CA5A: variants seen among roughly 807,000 people sequenced by gnomAD.
CA5A encodes the protein carbonic anhydrase 5A, mitochondrial.
In CA5A, 28 loss-of-function variants were observed where a neutral mutation model predicts 37.1. The observed-to-expected ratio is 0.75, with a 90% CI of 0.56 to 1.03. The LOEUF (loss-of-function observed/expected upper bound fraction) is 1.03, where lower values mean the gene tolerates loss of function less well. Among genes scored for constraint, CA5A ranks in the 50% least tolerant of loss-of-function variants. The pLI is 0.00. For missense variants in CA5A, 444 were observed against 399.9 expected (o/e 1.11, Z -0.94); for synonymous variants, 171 against 158.4 (o/e 1.08, Z -0.60).
intron 6 of CA5A, 92 bp from the exon 7 acceptor site, chr16:87,888,364 T>C: frequency 8.7e-7 from 1 of 1,152,080 alleles, no homozygotes; most frequent in Non-Finnish European, 1.2e-6. Context: ...TCCCCTCCCA[T>C]GCTGAATCAG....
intron 5 of CA5A, among the ~76,000 whole-genome samples, chr16:87,896,101 AC>A (rs1180611935): frequency 6.6e-6 from 1 of 152,242 alleles, no homozygotes; most frequent in Non-Finnish European, 1.5e-5. Context: ...AATCTTCAGA[AC>A]AACCCTTTGA....
At chr16:87,892,126 T>A (rs865815161) in intron 5 of CA5A, 172 bp from the exon 6 acceptor site, 5 of 539,058 alleles carry the variant, frequency 9.3e-6, no homozygotes, top group Middle Eastern at 4.8e-4. Context: ...AATGTGACCC[T>A]TCTATACAGA....
chr16:87,910,875 G>A (rs1017528541), intron 2 of CA5A, among the ~76,000 whole-genome samples: 6 of 151,956 alleles, frequency 3.9e-5, no homozygotes, highest in Admixed American at 1.3e-4. Flanking sequence ...TGTGCTTCCC[G>A]AGTAGCTGGG....
chr16:87,926,932 C>G lies in CA5A; in HGVS notation c.156G>C (p.Trp52Cys). 1 of 1,581,250 alleles carries G rather than the reference C, an allele frequency of 6.3e-7. No individual in the cohort carries two copies. Among genetic ancestry groups the G allele is most frequent in the South Asian group, 1.1e-5 (1 of 87,702 alleles). ...QTSNNTLHPLWTVPVSVPGGT... is the reference protein window; with the variant it reads ...QTSNNTLHPLCTVPVSVPGGT... ...CCCCTGGCACGGAGACCGGGACCGT[C>G]CAGAGTGGGTGCACTGCAGGGAGAG... The change falls in exon 2 of 7, where the codon TGG (tryptophan) becomes TGC (cysteine). Residue 52 changes from tryptophan to cysteine, a missense_variant. Coordinates refer to ENST00000649794, the MANE Select transcript of CA5A (RefSeq NM_001739.2).
rs1468664544 is a variant in CA5A, at chr16:87,890,640, G to A, written c.774+1159C>T. ...TTTTTTATTTTATTTTTTTGAGGCA[G>A]AGTGTCACTCTGTCACCCAGGTTGG... is the stretch of plus-strand genomic sequence containing the variant. On this transcript the variant is annotated intron_variant, in intron 6 of 6. Coordinates refer to ENST00000649794, the MANE Select transcript of CA5A (RefSeq NM_001739.2). Among the ~76,000 whole-genome samples, 3 of 152,074 alleles carry A rather than the reference G, an allele frequency of 2.0e-5. No individual in the cohort carries two copies. In the East Asian group the frequency reaches 5.8e-4, roughly 29 times the overall value.
chr16:87,892,904 C>T (rs560748353), intron 5 of CA5A: 105 of 507,218 alleles, frequency 2.1e-4, no homozygotes, highest in Non-Finnish European at 3.0e-4. Flanking sequence ...GATCCACCCG[C>T]CTTGGCCTCC....
At position 87,914,013 on chromosome 16, in the gene CA5A, A is replaced by T. The variant is rs2056092779; in HGVS notation, c.341-9109T>A. On this transcript the variant is annotated intron_variant, in intron 2 of 6. Coordinates refer to ENST00000649794, the MANE Select transcript of CA5A (RefSeq NM_001739.2). ...GTGCTTGACGTCGCTTATTTCCCCG[A>T]TGACCTTTTCCCGGACTTCCTAGCT... is the stretch of plus-strand genomic sequence containing the variant. Among the ~76,000 whole-genome samples the T allele has an allele frequency of 3.3e-5, 5 of 152,168 alleles. No individual in the cohort carries two copies. The South Asian group carries it at 1.0e-3, about 32-fold the overall frequency.
At chr16:87,918,975 C>CAAAG (rs2056193399) in intron 2 of CA5A, among the ~76,000 whole-genome samples, 2 of 151,912 alleles carry the variant, frequency 1.3e-5, no homozygotes, top group Non-Finnish European at 2.9e-5. Context: ...GAGAAAATGA[C>CAAAG]AAAGTGAAAC....
chr16:87,921,675 T>C (rs1467778121), intron 2 of CA5A, among the ~76,000 whole-genome samples: 1 of 152,038 alleles, frequency 6.6e-6, no homozygotes, highest in Non-Finnish European at 1.5e-5. Context: ...AACAGGAATG[T>C]TGGACCCAGG....
intron 2 of CA5A, among the ~76,000 whole-genome samples, chr16:87,917,617 ACACACAAACACACATGTGCG>A (rs930578031): frequency 2.7e-5 from 4 of 146,316 alleles, no homozygotes; most frequent in Non-Finnish European, 5.9e-5. Flanking sequence ...ACACATGTGC[ACACACAAACACACATGTGCG>A]CACACACATG....
At chr16:87,902,112 G>T in intron 4 of CA5A, 138 bp from the exon 5 acceptor site, 1 of 768,486 alleles carries the variant, frequency 1.3e-6, no homozygotes. Context: ...CTAGCACTGT[G>T]GGAGGCCGAG....
At chr16:87,912,819 C>G (rs1005339493) in intron 2 of CA5A, among the ~76,000 whole-genome samples, 1 of 152,126 alleles carries the variant, frequency 6.6e-6, no homozygotes, top group African/African-American at 2.4e-5. Context: ...CAGAAAGGGA[C>G]GACCAGCGGA....
intron 2 of CA5A, among the ~76,000 whole-genome samples, chr16:87,910,416 G>A (rs949144923): frequency 6.6e-6 from 1 of 152,168 alleles, no homozygotes; most frequent in Non-Finnish European, 1.5e-5. Context: ...GAGACGCAGA[G>A]AGGTTCGGTC....
chr16:87,888,785 CTT>C (rs979214421), intron 6 of CA5A, among the ~76,000 whole-genome samples: 1 of 152,208 alleles, frequency 6.6e-6, no homozygotes, highest in African/African-American at 2.4e-5. Flanking sequence ...GTGTTTCGCT[CTT>C]GTTTCCCAGG....
At chr16:87,922,742 G>A (rs527617015) in intron 2 of CA5A, among the ~76,000 whole-genome samples, 2 of 152,246 alleles carry the variant, frequency 1.3e-5, no homozygotes, top group Non-Finnish European at 2.9e-5. Context: ...GGGTGCTGGT[G>A]CTTCCTTCTC....
chr16:87,927,983 G>A (rs534587664), intron 1 of CA5A, among the ~76,000 whole-genome samples: 2 of 152,236 alleles, frequency 1.3e-5, no homozygotes, highest in African/African-American at 2.4e-5. Context: ...AGAGAAAGCT[G>A]GATCTTTTAT....
downstream of CA5A, chr16:87,885,162 CA>C: frequency 1.3e-5 from 2 of 152,136 alleles, no homozygotes; most frequent in Non-Finnish European, 2.8e-5. Context: ...GACTCCATCT[CA>C]AAAACAAAAC....
chr16:87,928,313 AC>A (rs2056342504), intron 1 of CA5A, among the ~76,000 whole-genome samples: 1 of 152,048 alleles, frequency 6.6e-6, no homozygotes, highest in African/African-American at 2.4e-5. Flanking sequence ...GCAGGTAAAC[AC>A]CACCATGCCT....
rs1567530561 is a variant in CA5A, at chr16:87,917,762, GTGCACATGTGCACACATGCACACATGT to G, written c.340+8959_340+8985del. Among the ~76,000 whole-genome samples, 80 of 97,082 alleles carry G rather than the reference GTGCACATGTGCACACATGCACACATGT, an allele frequency of 8.2e-4. No individual in the cohort carries two copies. The South Asian group carries it at 8.3e-3, about 10-fold the overall frequency. 63.7% of individuals were successfully genotyped at this position (97,082 alleles called of 152,430 possible). ...ACACACATGCACACATGTATACACA[GTGCACATGTGCACACATGCACACATGT>G]ATACACAGTGCACATGTGCACACAT... On this transcript the variant is annotated intron_variant, in intron 2 of 6. Transcript: ENST00000649794.
Sources: allele counts gnomAD v4.1 joint callset (sites outside exome capture counted in the v4.1 genomes callset), GRCh38; gene constraint gnomAD v4.1.1; transcripts MANE v1.5; gene names NCBI Gene and HGNC (gene_info 2026-07-23, HGNC 2026-07-21).